Variants in TH observed in about 807,000 individuals in gnomAD.
TH encodes tyrosine hydroxylase.
TH carries 49 observed loss-of-function variants against 57.4 expected under a neutral mutation model. The observed-to-expected ratio is 0.85, with a 90% CI of 0.68 to 1.08. The LOEUF (loss-of-function observed/expected upper bound fraction) is 1.08. TH is among the 50% of genes least tolerant of loss of function. TH has a pLI of 0.00. For missense variants in TH, 720 were observed against 696.7 expected (o/e 1.03, Z -0.38); for synonymous variants, 330 against 304.5 (o/e 1.08, Z -0.87).
intron 2 of TH, among the ~76,000 whole-genome samples, 159 bp downstream of exon 2, chr11:2,169,491 T>C (rs962830188): frequency 1.5e-4 from 23 of 151,990 alleles, no homozygotes; most frequent in Admixed American, 9.2e-4. Context: ...CTAGATGCCA[T>C]GGGGGCTGAG....
rs59181491 is a variant in TH, at chr11:2,171,085, GTGAA to G, written c.90+608_90+611del. On this transcript the variant is annotated intron_variant, in intron 1 of 12. Transcript: ENST00000352909. This position sits in a 1 kb window ranked among gnomAD's most constrained non-coding sequence, Gnocchi z 8.6. The stretch of plus-strand genomic sequence containing the variant: ...GGTCACAGGGAACACAGACTCCATG[GTGAA>G]TGAATGAATGAATGAATGAATGAAT... 0.22 allele frequency among the ~76,000 whole-genome samples: 30,499 copies of G among 140,734 alleles called. 3,313 individuals are homozygous for G. Among genetic ancestry groups the G allele is most frequent in the Admixed American group, 0.3 (4,267 of 14,240 alleles). 92.3% of individuals were successfully genotyped at this position (140,734 alleles called of 152,430 possible).
At chr11:2,165,536 C>T (rs1031853614) in intron 11 of TH, 132 bp downstream of exon 11, 64 of 1,350,766 alleles carry the variant, frequency 4.7e-5, no homozygotes, top group Middle Eastern at 4.3e-4. Context: ...CAGAGACAAG[C>T]CTTCTCCCAA....
intron 11 of TH, 96 bp downstream of exon 11, chr11:2,165,572 G>C: frequency 7.1e-7 from 1 of 1,407,290 alleles, no homozygotes; most frequent in South Asian, 1.2e-5. Flanking sequence ...TGGAGGTCCA[G>C]GCCTCAGTTT....
rs1299234118 is a variant in TH, at chr11:2,165,649, A to G, written c.1200+19T>C. Reference sequence around the variant, plus strand: ...GCCCTGCCCCTCTGCTGGGGGCTGCAGCAAGGAGAGACTCTCACCAGGAGC... The same window carrying G: ...GCCCTGCCCCTCTGCTGGGGGCTGCGGCAAGGAGAGACTCTCACCAGGAGC... On this transcript the variant is annotated intron_variant, in intron 11 of 12. Transcript: ENST00000352909. 1 of 1,611,538 alleles carries G rather than the reference A, an allele frequency of 6.2e-7. No individual in the cohort carries two copies. Among genetic ancestry groups the G allele is most frequent in the Non-Finnish European group, 8.5e-7 (1 of 1,178,986 alleles).
rs1490379030 is a variant in TH at position 2,169,879 on chromosome 11, G to T, written c.91-8C>A. 5 of 1,607,274 alleles carry T rather than the reference G, an allele frequency of 3.1e-6. No homozygotes were observed. The highest frequency in any genetic ancestry group is 3.4e-6 in the Non-Finnish European group (4 of 1,178,480). On this transcript the variant is annotated splice_region_variant and splice_polypyrimidine_tract_variant and intron_variant, in intron 1 of 12. Coordinates refer to ENST00000352909, the MANE Select transcript of TH (RefSeq NM_000360.4). ...CCCAATGAACCGCGGGGACTGTGGG[G>T]ACAAGGGGCACCCATGCCTCCTCCA...
chr11:2,165,564 G>A, intron 11 of TH, 104 bp downstream of exon 11: 1 of 1,379,214 alleles, frequency 7.3e-7, no homozygotes, highest in Non-Finnish European at 1.0e-6. Flanking sequence ...CTGAGTCCTG[G>A]AGGTCCAGGC....
Position 2,167,005 on chromosome 11 carries a change from G to T in TH, c.723C>A (p.Gly241=), listed in dbSNP as rs752953358. 14 of 1,587,884 alleles carry T rather than the reference G, an allele frequency of 8.8e-6. No individual in the cohort carries two copies. The highest frequency in any genetic ancestry group is 1.2e-5 in the Non-Finnish European group (14 of 1,167,688). ...CCCCGCAGGCGTGCGTGGCGTAGAG[G>T]CCCTTCAGCGTGGTGTAGACCTCCT... ...TWKEVYTTLK[G]LYATHACGEH... The change falls in exon 7 of 13, where the codon GGC becomes GGA. Residue 241 remains glycine (G), a synonymous_variant. Coordinates refer to ENST00000352909, the MANE Select transcript of TH (RefSeq NM_000360.4).
intron 6 of TH, 113 bp downstream of exon 6, chr11:2,167,322 G>A (rs372908862): frequency 2.8e-5 from 36 of 1,277,156 alleles, no homozygotes; most frequent in Non-Finnish European, 3.9e-5. Context: ...TCTTCTTCCC[G>A]GCCTTAGTCT....
Position 2,168,643 on chromosome 11 carries a change from T to C in TH, c.335A>G (p.His112Arg). The part of the protein sequence containing the change: ...VFETFEAKIH[H>R]LETRPAQRPR... ...CCTCTGGGCGGGCCGGGTCTCTAGA[T>C]GGTGGATTTTGGCTTCAAACGTCTT... Residue 112 changes from histidine (H) to arginine (R), a missense_variant, in exon 3 of 13, where the codon CAT (histidine) becomes CGT (arginine). Physicochemically the swap from His to Arg is conservative, Grantham distance 29. Coordinates refer to ENST00000352909, the MANE Select transcript of TH (RefSeq NM_000360.4). The C allele has an allele frequency of 6.3e-7, 1 of 1,598,684 alleles. No homozygotes were observed. The highest frequency in any genetic ancestry group is 8.5e-7 in the Non-Finnish European group (1 of 1,175,132).
chr11:2,167,800 C>G, intron 5 of TH, 66 bp downstream of exon 5: 1 of 1,534,062 alleles, frequency 6.5e-7, no homozygotes, highest in Admixed American at 1.9e-5. Flanking sequence ...TCCTTCCCTC[C>G]CACCCCCCAG....
Position 2,171,741 on chromosome 11 carries a change from T to A in TH, c.46A>T (p.Arg16Trp), listed in dbSNP as rs753005879. The change falls in exon 1 of 13, where the codon AGG becomes TGG. Residue 16 changes from arginine to tryptophan, a missense_variant. By Grantham distance (101) the Arg-to-Trp change is moderately radical (BLOSUM62 -3). Coordinates refer to ENST00000352909, the MANE Select transcript of TH (RefSeq NM_000360.4). This position sits in a 1 kb window ranked among gnomAD's most constrained non-coding sequence, Gnocchi z 8.6. The stretch of plus-strand genomic sequence containing the variant: ...TTGGCGTCCAGCTCAGACACGGCCC[T>A]GCGGAAGCCCTTGGCCTGTGGCGTG... Reference protein sequence around the residue: ...ATTPQAKGFRRAVSELDAKQA... With the variant: ...ATTPQAKGFRWAVSELDAKQA... The A allele has an allele frequency of 3.1e-6, 5 of 1,612,784 alleles. No homozygotes were observed. The highest frequency in any genetic ancestry group is 4.2e-6 in the Non-Finnish European group (5 of 1,179,846).
chr11:2,165,831 G>A (rs904435607), intron 10 of TH, 68 bp from the exon 11 acceptor site: 24 of 1,564,012 alleles, frequency 1.5e-5, no homozygotes, highest in Non-Finnish European at 1.9e-5. Flanking sequence ...CTGGTCACCC[G>A]TGACCAGGAT....
Position 2,164,929 on chromosome 11 carries a change from G to A in TH, c.1334+303C>T, listed in dbSNP as rs3842722. On this transcript the variant is annotated intron_variant, in intron 12 of 12. Coordinates refer to ENST00000352909, the MANE Select transcript of TH (RefSeq NM_000360.4). ...CCCCCTGACTTCTCCCCATCCCAGG[G>A]CAGGGGGCCGGGACAGGTTCCACAG... is the stretch of plus-strand genomic sequence containing the variant. Among the ~76,000 whole-genome samples, 1,594 of 152,200 alleles carry A rather than the reference G, an allele frequency of 0.01. 23 individuals carry two copies. The highest frequency in any genetic ancestry group is 0.035 in the African/African-American group (1,449 of 41,522).
At chr11:2,167,634 G>A (rs945489816) in intron 5 of TH, 149 bp from the exon 6 acceptor site, 3 of 1,136,280 alleles carry the variant, frequency 2.6e-6, no homozygotes, top group Non-Finnish European at 3.8e-6. Context: ...CACCCCAGCT[G>A]ACTGTGCCGT....
In TH at chr11:2,165,289, G is replaced by A. The variant is rs201330304; in HGVS notation, c.1277C>T (p.Thr426Met). ...AAAVQPYQDQTYQSVYFVSES... is the reference protein window; with the variant it reads ...AAAVQPYQDQMYQSVYFVSES... ...AGACACGAAGTAGACTGACTGGTAC[G>A]TCTGGTCTTGGTAGGGCTGCACGGC... Residue 426 changes from threonine (T) to methionine (M), a missense_variant, in exon 12 of 13, where the codon ACG (threonine) becomes ATG (methionine). Physicochemically the swap from Thr to Met is moderately conservative, Grantham distance 81. Transcript: ENST00000352909. 142 of 1,612,746 alleles carry A rather than the reference G, an allele frequency of 8.8e-5. No homozygotes were observed. The highest frequency in any genetic ancestry group is 5.2e-5 in the Non-Finnish European group (61 of 1,180,008).
Position 2,168,121 on chromosome 11 carries a change from C to T in TH, c.546G>A (p.Lys182=), listed in dbSNP as rs2133696386. The T allele has an allele frequency of 6.2e-7, 1 of 1,613,590 alleles. No homozygotes were observed. The highest frequency in any genetic ancestry group is 8.5e-7 in the Non-Finnish European group (1 of 1,180,024). The change falls in exon 4 of 13, where the codon AAG becomes AAA. Residue 182 remains lysine (K), a synonymous_variant. Transcript: ENST00000352909. The part of the protein sequence containing the change: ...ELDKCHHLVT[K]FDPDLDLDHP... ...GGTCCAAGTCCAGGTCAGGGTCGAA[C>T]TTGGTGACCAGGTGATGACACTTGT...
intron 4 of TH, 74 bp downstream of exon 4, chr11:2,168,017 C>T (rs1338620595): frequency 1.9e-6 from 3 of 1,610,194 alleles, no homozygotes; most frequent in African/African-American, 2.7e-5. Flanking sequence ...CCGACAGACT[C>T]CTGTCCAGGG....
chr11:2,170,716 C>T lies in TH; in HGVS notation c.91-845G>A. The T allele has an allele frequency of 6.2e-7, 1 of 1,600,786 alleles. No homozygotes were observed. The highest frequency in any genetic ancestry group is 8.5e-7 in the Non-Finnish European group (1 of 1,175,124). On this transcript the variant is annotated intron_variant, in intron 1 of 12. Transcript: ENST00000352909. The surrounding 1 kb of genome is among the most constrained non-coding windows in gnomAD (Gnocchi z 6.0). ...CTTGGGGTGGGGGTGTAGGATGCAG[C>T]TGGGGCTGCAGTTCCAGGCCACGGA...
At position 2,169,752 on chromosome 11, in the gene TH, A is replaced by G. The variant is rs7950050; in HGVS notation, c.210T>C (p.Ala70=). The G allele has an allele frequency of 7.2e-3, 11,664 of 1,612,568 alleles. 653 individuals carry two copies. In the African/African-American group the frequency reaches 0.13, roughly 18 times the overall value. ...VPSEPGDPLE[A]VAFEEKEGKA... is the part of the protein sequence containing the mutation. ...TCCCCTCCTTCTCCTCAAAGGCCAC[A>G]GCCTCCAGGGGGTCCCCGGGCTCCG... Residue 70 remains alanine, a synonymous_variant, in exon 2 of 13, where the codon GCT becomes GCC. Coordinates refer to ENST00000352909, the MANE Select transcript of TH (RefSeq NM_000360.4).
Sources: gnomAD v4.1 joint callset for allele counts (sites outside exome capture counted in the v4.1 genomes callset) on GRCh38, gnomAD v4.1.1 for gene constraint, Gnocchi (gnomAD v3.1) non-coding constraint, MANE v1.5 for transcripts, NCBI Gene and HGNC (gene_info 2026-07-23, HGNC 2026-07-21) for gene names.